AHNAK: variants seen among roughly 807,000 people sequenced by gnomAD.
AHNAK encodes the protein AHNAK nucleoprotein.
A neutral mutation model predicts 37.8 loss-of-function variants in AHNAK; 23 were observed. The observed-to-expected ratio is 0.61, with a 90% CI of 0.44 to 0.86. The LOEUF (loss-of-function observed/expected upper bound fraction) is 0.86. Ranked by LOEUF, AHNAK falls within the 40% of genes least tolerant of loss-of-function variation. AHNAK has a pLI of 0.00. For missense variants in AHNAK, 7,411 were observed against 7,319.4 expected (o/e 1.01, Z -0.46); for synonymous variants, 2,481 against 2,636.3 (o/e 0.94, Z 1.80).
chr11:62,521,289 T>C lies in AHNAK; in HGVS notation c.13128A>G (p.Pro4376=). ...TTTTGGGGGCCTTGATGTTCATCTC[T>C]GGCATCTTGAACTTTGGACCCTTGA... ...AKLKGPKFKM[P]EMNIKAPKIS... is the part of the protein sequence containing the mutation. The change falls in exon 5 of 5, where the codon CCA becomes CCG. Residue 4376 remains proline, a synonymous_variant. Coordinates refer to ENST00000378024, the MANE Select transcript of AHNAK (RefSeq NM_001620.3). 2 of 1,611,106 alleles carry C rather than the reference T, an allele frequency of 1.2e-6. No homozygotes were observed. The highest frequency in any genetic ancestry group is 1.7e-6 in the Non-Finnish European group (2 of 1,179,068).
Position 62,494,892 on chromosome 11 carries a change from C to A in AHNAK, c.343-3061G>T, listed in dbSNP as rs184932767. ...GCGGGCGCCTGTAATCTCAGCTACT[C>A]AGGAGGCTGAGGCACGAGAATCGCT... is the stretch of plus-strand genomic sequence containing the variant. On this transcript the variant is annotated intron_variant, in intron 4 of 5. Transcript: ENST00000257247. Among the ~76,000 whole-genome samples, 9 of 151,402 alleles carry A rather than the reference C, an allele frequency of 5.9e-5. No homozygotes were observed. The East Asian group carries it at 1.7e-3, about 29-fold the overall frequency.
chr11:62,523,945 CCTTCTG>C lies in AHNAK; in HGVS notation c.10466_10471del (p.Ala3489_Glu3490del). Reference sequence around the variant, plus strand: ...TGGTAGATCCACAGCTACATCTGGCCCTTCTGCTTTTAAGCCAGACACACTGAATTT... The same window carrying C: ...TGGTAGATCCACAGCTACATCTGGCCCTTTTAAGCCAGACACACTGAATTT... On this transcript the variant is annotated inframe_deletion, in exon 5 of 5. Transcript: ENST00000378024. 6.2e-7 allele frequency: 1 copy of C among 1,613,984 alleles called. No homozygotes were observed. Among genetic ancestry groups the C allele is most frequent in the Non-Finnish European group, 8.5e-7 (1 of 1,180,008 alleles).
intron 1 of AHNAK, among the ~76,000 whole-genome samples, chr11:62,544,136 G>A (rs944328806): frequency 2.0e-5 from 3 of 151,994 alleles, no homozygotes; most frequent in African/African-American, 7.3e-5. Context: ...ATTCCAAGTC[G>A]AGCAAAAGAA....
rs1940147702 is a variant in AHNAK at position 62,519,419 on chromosome 11, C to G, written c.14998G>C (p.Val5000Leu). The G allele has an allele frequency of 1.2e-6, 2 of 1,611,464 alleles. No individual in the cohort carries two copies. The highest frequency in any genetic ancestry group is 1.7e-6 in the Non-Finnish European group (2 of 1,178,846). ...DIKSPSLDVT[V>L]PEAELNLETP... Reference sequence around the variant, plus strand: ...TCAAGGTTCAGCTCTGCCTCAGGAACAGTGACATCCAGTGAAGGTGACTTG... The same window carrying G: ...TCAAGGTTCAGCTCTGCCTCAGGAAGAGTGACATCCAGTGAAGGTGACTTG... The change falls in exon 5 of 5, where the codon GTT becomes CTT. Residue 5000 changes from valine (V) to leucine (L), a missense_variant. By Grantham distance (32) the Val-to-Leu change is conservative. Coordinates refer to ENST00000378024, the MANE Select transcript of AHNAK (RefSeq NM_001620.3).
rs1414460659 is a variant in AHNAK at position 62,527,431 on chromosome 11, T to C, written c.6986A>G (p.Asp2329Gly). The C allele has an allele frequency of 2.5e-6, 4 of 1,613,978 alleles. No homozygotes were observed. The South Asian group carries it at 3.3e-5, about 13-fold the overall frequency. ...FNLKGPKIKG[D>G]VDVSAPKLEG... The stretch of plus-strand genomic sequence containing the variant: ...CAGCTTTGGGGCAGAAACATCAACA[T>C]CTCCTTTGATTTTGGGTCCCTTTAA... The change falls in exon 5 of 5, where the codon GAT (aspartate) becomes GGT (glycine). Residue 2329 changes from aspartate (D) to glycine (G), a missense_variant. Coordinates refer to ENST00000378024, the MANE Select transcript of AHNAK (RefSeq NM_001620.3).
At chr11:62,456,635 G>A (rs1938664849) in intron 5 of AHNAK, among the ~76,000 whole-genome samples, 1 of 152,006 alleles carries the variant, frequency 6.6e-6, no homozygotes. Flanking sequence ...TTCAAGGCTG[G>A]TCTCCCTAGA....
At chr11:62,534,166 T>A (rs1443910155) in intron 4 of AHNAK, 92 bp from the exon 5 acceptor site, 1 of 1,371,834 alleles carries the variant, frequency 7.3e-7, no homozygotes, top group Non-Finnish European at 9.7e-7. Context: ...ACGTTGCCTG[T>A]TTCCCAGAGA....
chr11:62,524,159 C>T lies in AHNAK; in HGVS notation c.10258G>A (p.Val3420Met), dbSNP rs749868393. ...TTGGGACTTTTCAAATTTAGCTCCA[C>T]GTCAGGCATAGAAACTTTGGGAGAT... Reference protein sequence around the residue: ...ISSPKVSMPDVELNLKSPKVK... With the variant: ...ISSPKVSMPDMELNLKSPKVK... The change falls in exon 5 of 5, where the codon GTG (valine) becomes ATG (methionine). Residue 3420 changes from valine (V) to methionine (M), a missense_variant. Transcript: ENST00000378024. 19 of 1,613,958 alleles carry T rather than the reference C, an allele frequency of 1.2e-5. No individual in the cohort carries two copies. The South Asian group carries it at 1.3e-4, about 11-fold the overall frequency.
intron 5 of AHNAK, among the ~76,000 whole-genome samples, chr11:62,440,049 T>A (rs1282662649): frequency 6.6e-6 from 1 of 152,172 alleles, no homozygotes; most frequent in African/African-American, 2.4e-5. Context: ...TATTCACATT[T>A]TGGACTGGAC....
chr11:62,439,010 G>A (rs1445572469), intron 5 of AHNAK, among the ~76,000 whole-genome samples: 1 of 151,836 alleles, frequency 6.6e-6, no homozygotes, highest in Non-Finnish European at 1.5e-5. Flanking sequence ...TCCCACAGGA[G>A]CGGCCCTTAA....
chr11:62,447,870 G>A lies in AHNAK; in HGVS notation c.443-13979C>T, dbSNP rs1938449372. On this transcript the variant is annotated intron_variant, in intron 5 of 5. Transcript: ENST00000257247. Reference sequence around the variant, plus strand: ...TGGTAGAGTTGACACTCTAGTGGGGGAGAGAAACAATAAATAAGATGAACA... The same window carrying A: ...TGGTAGAGTTGACACTCTAGTGGGGAAGAGAAACAATAAATAAGATGAACA... 2.0e-5 allele frequency among the ~76,000 whole-genome samples: 3 copies of A among 151,706 alleles called. No individual in the cohort carries two copies. The South Asian group carries it at 6.2e-4, about 32-fold the overall frequency.
At chr11:62,490,201 T>TC (rs1939479862) in intron 5 of AHNAK, among the ~76,000 whole-genome samples, 1 of 138,898 alleles carries the variant, frequency 7.2e-6, no homozygotes, top group African/African-American at 2.7e-5. Flanking sequence ...CTTTTTCTTT[T>TC]TTTTTTTTTT....
rs1314179803 is a variant in AHNAK at position 62,531,655 on chromosome 11, T to G, written c.2762A>C (p.Asn921Thr). ...PKVGVEVPDV[N>T]IEGPEGKLKG... ...CAGCTTTCCTTCAGGTCCTTCAATA[T>G]TCACATCTGGAACTTCAACACCCAC... Residue 921 changes from asparagine to threonine, a missense_variant, in exon 5 of 5, where the codon AAT becomes ACT. By Grantham distance (65) the Asn-to-Thr change is moderately conservative. Coordinates refer to ENST00000378024, the MANE Select transcript of AHNAK (RefSeq NM_001620.3). 1 of 1,613,562 alleles carries G rather than the reference T, an allele frequency of 6.2e-7. No homozygotes were observed. Among genetic ancestry groups the G allele is most frequent in the South Asian group, 1.1e-5 (1 of 91,066 alleles).
chr11:62,450,275 A>G (rs1355890702), intron 5 of AHNAK, among the ~76,000 whole-genome samples: 2 of 151,980 alleles, frequency 1.3e-5, no homozygotes, highest in African/African-American at 4.8e-5. Flanking sequence ...CTCCTGCCTC[A>G]GCCTCCCAAG....
At chr11:62,434,932 CAAA>C (rs55712038) in intron 5 of AHNAK, among the ~76,000 whole-genome samples, 3,703 of 84,268 alleles carry the variant, frequency 0.044, 63 homozygotes, top group African/African-American at 0.074. Context: ...GACCCTGTCT[CAAA>C]AAAAAAAAAA....
rs191268411 is a variant in AHNAK, at chr11:62,472,978, G to A, written c.442+18754C>T. Reference sequence around the variant, plus strand: ...GTGCATGCCTGTAACCCAGCTACTCGGGAGGCTGAGGCACAAGAATCACTT... The same window carrying A: ...GTGCATGCCTGTAACCCAGCTACTCAGGAGGCTGAGGCACAAGAATCACTT... On this transcript the variant is annotated intron_variant, in intron 5 of 5. Coordinates refer to the AHNAK transcript ENST00000257247. 6.1e-3 allele frequency among the ~76,000 whole-genome samples: 904 copies of A among 148,762 alleles called. 7 individuals are homozygous for A. Among genetic ancestry groups the A allele is most frequent in the Admixed American group, 9.6e-3 (140 of 14,594 alleles).
chr11:62,514,757 G>A (rs963251934), downstream of AHNAK, among the ~76,000 whole-genome samples: 1 of 152,152 alleles, frequency 6.6e-6, no homozygotes, highest in African/African-American at 2.4e-5. Context: ...AAACGCAGCC[G>A]GGTATCAAGG....
chr11:62,510,877 C>A (rs1939897353), intron 4 of AHNAK, among the ~76,000 whole-genome samples: 1 of 151,548 alleles, frequency 6.6e-6, no homozygotes, highest in African/African-American at 2.4e-5. Flanking sequence ...TTGTATTATT[C>A]TTGCAACTTC....
At chr11:62,445,854 T>C (rs2134790407) in intron 5 of AHNAK, among the ~76,000 whole-genome samples, 1 of 152,126 alleles carries the variant, frequency 6.6e-6, no homozygotes, top group South Asian at 2.1e-4. Flanking sequence ...CTGTCTCTAC[T>C]AAAAATACAA....
Sources: allele counts gnomAD v4.1 joint callset (sites outside exome capture counted in the v4.1 genomes callset), GRCh38; gene constraint gnomAD v4.1.1; transcripts MANE v1.5; gene names NCBI Gene and HGNC (gene_info 2026-07-23, HGNC 2026-07-21).